Variants in RABGAP1L observed in about 807,000 individuals in gnomAD.
RABGAP1L encodes RAB GTPase activating protein 1 like, also known as rab GTPase-activating protein 1-like.
RABGAP1L carries 63 observed loss-of-function variants against 137.7 expected under a neutral mutation model. The observed-to-expected ratio is 0.46, with a 90% CI of 0.37 to 0.56. RABGAP1L has a LOEUF of 0.56. RABGAP1L is among the 20% of genes least tolerant of loss of function. The pLI, the probability that RABGAP1L is intolerant of heterozygous loss-of-function variation, is 0.00. For synonymous variants in RABGAP1L, 431 were observed against 433.7 expected (o/e 0.99, Z 0.08); for missense variants, 1,095 against 1,244.0 (o/e 0.88, Z 1.80).
At chr1:174,965,000 T>C in intron 20 of RABGAP1L, 1 of 1,435,872 alleles carries the variant, frequency 7.0e-7, no homozygotes, top group Non-Finnish European at 9.4e-7. Context: ...GTTTTTTTTT[T>C]AATCTATGTA....
At chr1:174,487,770 A>AT (rs1378946755) in intron 13 of RABGAP1L, among the ~76,000 whole-genome samples, 1 of 151,426 alleles carries the variant, frequency 6.6e-6, no homozygotes, top group African/African-American at 2.4e-5. Context: ...CTTGCTTTTT[A>AT]TTTTTTTGTG....
intron 19 of RABGAP1L, among the ~76,000 whole-genome samples, chr1:174,843,178 C>CT (rs1434138648): frequency 1.3e-5 from 2 of 150,606 alleles, no homozygotes; most frequent in African/African-American, 4.9e-5. Context: ...TACTGTTAGT[C>CT]TACCTCACTA....
intron 11 of RABGAP1L, among the ~76,000 whole-genome samples, chr1:174,344,236 A>G (rs1157268900): frequency 6.6e-6 from 1 of 152,170 alleles, no homozygotes; most frequent in Non-Finnish European, 1.5e-5. Flanking sequence ...TCTCTGGAGA[A>G]TGCTCTCTGT....
At chr1:174,543,422 CT>C in intron 13 of RABGAP1L, among the ~76,000 whole-genome samples, 1 of 151,940 alleles carries the variant, frequency 6.6e-6, no homozygotes, top group South Asian at 2.1e-4. Flanking sequence ...GCAACCCCTG[CT>C]TTTTTTTGTT....
In RABGAP1L at chr1:174,699,515, T is replaced by C; in HGVS notation, c.1900-10T>C. 6.2e-7 allele frequency: 1 copy of C among 1,609,264 alleles called. No individual in the cohort carries two copies. Among genetic ancestry groups the C allele is most frequent in the South Asian group, 1.1e-5 (1 of 90,214 alleles). ...TTATTTATATTGTATATGTATATAT[T>C]TTTCTGTAGATGCCAGAGGAACAAG... On this transcript the variant is annotated splice_polypyrimidine_tract_variant and intron_variant, in intron 15 of 25. Coordinates refer to ENST00000681986, the MANE Select transcript of RABGAP1L (RefSeq NM_001366446.1).
intron 13 of RABGAP1L, among the ~76,000 whole-genome samples, chr1:174,515,586 C>A (rs1360907607): frequency 6.6e-6 from 1 of 152,094 alleles, no homozygotes; most frequent in East Asian, 1.9e-4. Context: ...CCTTAATACA[C>A]CTACCTGTGT....
chr1:174,948,519 A>AAAC (rs1370373237), intron 19 of RABGAP1L, among the ~76,000 whole-genome samples: 1 of 151,364 alleles, frequency 6.6e-6, no homozygotes, highest in Non-Finnish European at 1.5e-5. Flanking sequence ...CAAAAAAAAA[A>AAAC]AAAAAAAAAA....
chr1:174,415,047 G>T (rs1650390232), intron 13 of RABGAP1L, among the ~76,000 whole-genome samples: 1 of 151,968 alleles, frequency 6.6e-6, no homozygotes, highest in Admixed American at 6.6e-5. Context: ...CCATATTGGG[G>T]ATATTATTGA....
intron 1 of RABGAP1L, among the ~76,000 whole-genome samples, chr1:174,195,834 TTCTTC>T (rs1558022329): frequency 1.2e-4 from 16 of 131,834 alleles, no homozygotes; most frequent in East Asian, 6.6e-4. Context: ...TCTATCCTTC[TTCTTC>T]TTTTTTTTTT....
At chr1:174,798,287 G>A (rs1051595770) in intron 18 of RABGAP1L, among the ~76,000 whole-genome samples, 12 of 150,536 alleles carry the variant, frequency 8.0e-5, no homozygotes, top group South Asian at 2.1e-4. Flanking sequence ...GGCGCTTGTA[G>A]TCCCAGCTAC....
chr1:174,167,597 G>A (rs938277574), intron 1 of RABGAP1L, among the ~76,000 whole-genome samples: 2 of 152,158 alleles, frequency 1.3e-5, no homozygotes, highest in African/African-American at 4.8e-5. Context: ...TAAAAGGCAA[G>A]TATGGAATTC....
At chr1:174,168,331 A>G (rs1665076144) in intron 1 of RABGAP1L, among the ~76,000 whole-genome samples, 1 of 151,990 alleles carries the variant, frequency 6.6e-6, no homozygotes, top group Non-Finnish European at 1.5e-5. Context: ...TTGACCATTG[A>G]AAAATCAACC....
At chr1:174,391,392 A>G (rs1034186802) in intron 12 of RABGAP1L, among the ~76,000 whole-genome samples, 1 of 152,124 alleles carries the variant, frequency 6.6e-6, no homozygotes, top group Non-Finnish European at 1.5e-5. Context: ...ACCTTAGCTC[A>G]TTTGGTCTCA....
intron 19 of RABGAP1L, among the ~76,000 whole-genome samples, chr1:174,820,738 T>C (rs754893894): frequency 6.6e-6 from 1 of 152,178 alleles, no homozygotes; most frequent in Non-Finnish European, 1.5e-5. Context: ...TAGAAAGTAA[T>C]ATTGCCCTGG....
chr1:174,772,276 T>G (rs192599017), intron 18 of RABGAP1L, among the ~76,000 whole-genome samples: 1 of 152,048 alleles, frequency 6.6e-6, no homozygotes, highest in Admixed American at 6.6e-5. Flanking sequence ...ATAATATACG[T>G]AACATAAAAT....
At chr1:174,476,531 A>T (rs1558266556) in intron 13 of RABGAP1L, among the ~76,000 whole-genome samples, 1 of 152,234 alleles carries the variant, frequency 6.6e-6, no homozygotes, top group Non-Finnish European at 1.5e-5. Context: ...ACTCTTTCAA[A>T]TACTATGTTA....
chr1:174,911,826 T>G (rs945973037), intron 19 of RABGAP1L, among the ~76,000 whole-genome samples: 3 of 152,128 alleles, frequency 2.0e-5, no homozygotes, highest in Non-Finnish European at 4.4e-5. Flanking sequence ...CTTCTCAGAG[T>G]TTTGGATATG....
At chr1:174,492,712 T>C (rs1660376613) in intron 13 of RABGAP1L, among the ~76,000 whole-genome samples, 1 of 152,220 alleles carries the variant, frequency 6.6e-6, no homozygotes. Context: ...AACTGTACTG[T>C]CCCTATTCCT....
At chr1:174,727,523 T>A (rs2148611168) in intron 17 of RABGAP1L, among the ~76,000 whole-genome samples, 1 of 152,212 alleles carries the variant, frequency 6.6e-6, no homozygotes, top group Middle Eastern at 3.4e-3. Context: ...GAAAAACAAC[T>A]AGTAAAGATG....
Sources: allele counts gnomAD v4.1 joint callset (sites outside exome capture counted in the v4.1 genomes callset), GRCh38; gene constraint gnomAD v4.1.1; transcripts MANE v1.5; gene names NCBI Gene and HGNC (gene_info 2026-07-23, HGNC 2026-07-21).